KCNG2: variants seen among roughly 807,000 people sequenced by gnomAD.
The protein encoded by KCNG2 is potassium voltage-gated channel modifier subfamily G member 2, also known as voltage-gated potassium channel regulatory subunit KCNG2.
A neutral mutation model predicts 12.3 loss-of-function variants in KCNG2; 7 were observed. That is an observed-to-expected ratio of 0.57 (90% CI 0.32 to 1.07). The LOEUF (loss-of-function observed/expected upper bound fraction) is 1.07, where lower values mean the gene tolerates loss of function less well. Among genes scored for constraint, KCNG2 ranks in the 50% least tolerant of loss-of-function variants. The pLI, the probability that KCNG2 is intolerant of heterozygous loss-of-function variation, is 0.04. For synonymous variants in KCNG2, 414 were observed against 351.4 expected (o/e 1.18, Z -1.99); for missense variants, 703 against 726.0 (o/e 0.97, Z 0.36).
intron 1 of KCNG2, among the ~76,000 whole-genome samples, chr18:79,851,617 A>T (rs948899649): frequency 4.0e-5 from 6 of 151,544 alleles, no homozygotes; most frequent in African/African-American, 1.5e-4. Flanking sequence ...GGTGTGTGAG[A>T]GTGTGTGTGT....
chr18:79,887,956 C>T (rs1980592218), intron 3 of KCNG2, among the ~76,000 whole-genome samples: 1 of 152,334 alleles, frequency 6.6e-6, no homozygotes, highest in South Asian at 2.1e-4. Flanking sequence ...AGGCCACCGT[C>T]TCGGGCTCAC....
intron 2 of KCNG2, among the ~76,000 whole-genome samples, chr18:79,862,102 C>T (rs991123390): frequency 2.0e-5 from 3 of 152,184 alleles, no homozygotes; most frequent in African/African-American, 7.2e-5. Flanking sequence ...TCTGGTGAGT[C>T]CAATATCTGT....
chr18:79,873,533 G>A (rs1455944660), intron 3 of KCNG2, among the ~76,000 whole-genome samples: 1 of 152,018 alleles, frequency 6.6e-6, no homozygotes, highest in Non-Finnish European at 1.5e-5. Context: ...GCTGTGAGGG[G>A]CGTCGGGGAG....
chr18:79,873,604 A>G (rs1258403475), intron 3 of KCNG2, among the ~76,000 whole-genome samples: 1 of 151,942 alleles, frequency 6.6e-6, no homozygotes, highest in Non-Finnish European at 1.5e-5. Flanking sequence ...AGCTGGCCCT[A>G]GCTGTCTGTT....
intron 1 of KCNG2, among the ~76,000 whole-genome samples, chr18:79,850,643 C>T (rs1464085248): frequency 6.6e-6 from 1 of 152,142 alleles, no homozygotes; most frequent in African/African-American, 2.4e-5. Flanking sequence ...TTATTGTTTC[C>T]TTTCCTGCTC....
chr18:79,802,629 T>G (rs1179753552), intron 1 of KCNG2, among the ~76,000 whole-genome samples: 1 of 152,144 alleles, frequency 6.6e-6, no homozygotes, highest in Admixed American at 6.5e-5. Flanking sequence ...CACTGACCCC[T>G]GTGTGCACAC....
intron 3 of KCNG2, among the ~76,000 whole-genome samples, chr18:79,881,942 G>A (rs547264634): frequency 2.6e-5 from 4 of 152,314 alleles, no homozygotes; most frequent in African/African-American, 9.6e-5. Flanking sequence ...AAGTGAAAAG[G>A]CCGGGCACGG....
chr18:79,820,628 T>A (rs2087563612), intron 1 of KCNG2, among the ~76,000 whole-genome samples: 1 of 152,110 alleles, frequency 6.6e-6, no homozygotes, highest in Admixed American at 6.5e-5. Flanking sequence ...GTACATTTTT[T>A]AAAAAAAGGC....
chr18:79,828,192 T>C (rs979222584), intron 1 of KCNG2, among the ~76,000 whole-genome samples: 5 of 152,238 alleles, frequency 3.3e-5, no homozygotes, highest in African/African-American at 1.2e-4. Context: ...CCCAAAGTAC[T>C]GGGATTACAG....
intron 1 of KCNG2, among the ~76,000 whole-genome samples, chr18:79,835,733 G>C (rs1221692299): frequency 6.6e-6 from 1 of 152,204 alleles, no homozygotes; most frequent in African/African-American, 2.4e-5. Context: ...GTGGCTCTAA[G>C]GCAGGTAGAG....
chr18:79,842,936 T>C (rs762723799), intron 1 of KCNG2, among the ~76,000 whole-genome samples: 1 of 152,114 alleles, frequency 6.6e-6, no homozygotes. Flanking sequence ...GAAAGCTTAT[T>C]TAAAGAAACA....
At chr18:79,840,405 A>C (rs754566130) in intron 1 of KCNG2, among the ~76,000 whole-genome samples, 31 of 152,230 alleles carry the variant, frequency 2.0e-4, no homozygotes, top group Non-Finnish European at 4.4e-4. Flanking sequence ...TGAGTCTAGC[A>C]ATACACATAT....
At chr18:79,885,442 C>T (rs544017620) in intron 3 of KCNG2, among the ~76,000 whole-genome samples, 13 of 152,320 alleles carry the variant, frequency 8.5e-5, no homozygotes, top group African/African-American at 2.9e-4. Context: ...CGGGTGGTCT[C>T]TTTCTAACCA....
chr18:79,890,629 A>C (rs1980712425), intron 3 of KCNG2, among the ~76,000 whole-genome samples: 2 of 152,184 alleles, frequency 1.3e-5, no homozygotes, highest in Admixed American at 6.5e-5. Context: ...TGCAGAGGAC[A>C]AGACATCGTT....
intron 3 of KCNG2, among the ~76,000 whole-genome samples, chr18:79,888,405 C>T (rs573285153): frequency 1.1e-3 from 163 of 149,916 alleles, no homozygotes; most frequent in African/African-American, 3.9e-3. Flanking sequence ...GCCGGGACGG[C>T]GGCGTCCTCC....
Position 79,863,697 on chromosome 18 carries a change from C to A in KCNG2, c.30C>A (p.Gly10=). 8.3e-7 allele frequency: 1 copy of A among 1,205,802 alleles called. No homozygotes were observed. The highest frequency in any genetic ancestry group is 1.6e-5 in the African/African-American group (1 of 63,350). The allele number at this position is 1,205,802 out of a possible 1,614,324, so 74.7% of individuals were successfully genotyped here. The change falls in exon 3 of 4, where the codon GGC becomes GGA. Residue 10 remains glycine (G), a synonymous_variant. Coordinates refer to ENST00000316249, the MANE Select transcript of KCNG2 (RefSeq NM_012283.2). MEPWPCSPG[G]GGGTRARHVI... ...AGCCATGGCCCTGCTCCCCGGGCGGCGGCGGCGGGACCCGCGCCCGGCACG... is the reference window on the plus strand; with the variant it reads ...AGCCATGGCCCTGCTCCCCGGGCGGAGGCGGCGGGACCCGCGCCCGGCACG...
intron 1 of KCNG2, among the ~76,000 whole-genome samples, chr18:79,818,817 C>T (rs899248473): frequency 1.3e-5 from 2 of 152,174 alleles, no homozygotes; most frequent in Admixed American, 6.5e-5. Context: ...TTAGGGGAGA[C>T]TCATTCCCAG....
intron 3 of KCNG2, among the ~76,000 whole-genome samples, chr18:79,882,366 T>C (rs540676731): frequency 6.6e-6 from 1 of 150,792 alleles, no homozygotes; most frequent in South Asian, 2.2e-4. Flanking sequence ...TCTTTTGACT[T>C]TTGTCCACAA....
chr18:79,820,454 A>G (rs537271329), intron 1 of KCNG2, among the ~76,000 whole-genome samples: 1 of 152,166 alleles, frequency 6.6e-6, no homozygotes, highest in East Asian at 1.9e-4. Context: ...CCTCACCAGC[A>G]CTCAGGATGG....
Sources: allele counts gnomAD v4.1 joint callset (sites outside exome capture counted in the v4.1 genomes callset), GRCh38; gene constraint gnomAD v4.1.1; transcripts MANE v1.5; gene names NCBI Gene and HGNC (gene_info 2026-07-23, HGNC 2026-07-21).